ST3GAL4: variants seen among roughly 807,000 people sequenced by gnomAD.
ST3GAL4 encodes ST3 beta-galactoside alpha-2,3-sialyltransferase 4.
A neutral mutation model predicts 42.6 loss-of-function variants in ST3GAL4; 24 were observed. That is an observed-to-expected ratio of 0.56 (90% CI 0.41 to 0.79). ST3GAL4 has a LOEUF of 0.79. ST3GAL4 is among the 30% of genes least tolerant of loss of function. ST3GAL4 has a pLI of 0.00. For missense variants in ST3GAL4, 311 were observed against 430.8 expected, an observed-to-expected ratio of 0.72 and a Z score of 2.46; for synonymous variants, 135 against 163.2, an observed-to-expected ratio of 0.83 and a Z score of 1.32.
rs368150718 is a variant in ST3GAL4, at chr11:126,386,141, C to G, written c.-60-19955C>G. Among the ~76,000 whole-genome samples the G allele has an allele frequency of 6.6e-6, 1 of 152,148 alleles. No homozygotes were observed. The highest frequency in any genetic ancestry group is 2.4e-5 in the African/African-American group (1 of 41,424). On this transcript the variant is annotated intron_variant, in intron 1 of 10. Coordinates refer to ENST00000444328, the MANE Select transcript of ST3GAL4 (RefSeq NM_001254757.2). This position sits in a 1 kb window ranked among gnomAD's most constrained non-coding sequence, Gnocchi z 4.7. ...CTTCATGTAGGCCTCCGGTTTATAGCCGGCTCCTCAGAGACATGGTTCTAT... is the reference window on the plus strand; with the variant it reads ...CTTCATGTAGGCCTCCGGTTTATAGGCGGCTCCTCAGAGACATGGTTCTAT...
Position 126,413,555 on chromosome 11 carries a change from C to T in ST3GAL4, c.822C>T (p.Asp274=). Residue 274 remains aspartate (D), a synonymous_variant, in exon 10 of 11, where the codon GAC becomes GAT. Transcript: ENST00000444328. ...LAITLALHLC[D]LVHIAGFGYP... ...TCACGCTGGCCCTCCACCTCTGTGA[C>T]TTGGTGCACATTGCCGGCTTTGGCT... 6.2e-7 allele frequency: 1 copy of T among 1,614,272 alleles called. No individual in the cohort carries two copies. Among genetic ancestry groups the T allele is most frequent in the Non-Finnish European group, 8.5e-7 (1 of 1,180,058 alleles).
At chr11:126,405,177 G>T (rs897578792) in intron 1 of ST3GAL4, among the ~76,000 whole-genome samples, 3 of 152,240 alleles carry the variant, frequency 2.0e-5, no homozygotes, top group African/African-American at 7.2e-5. Context: ...GCATGGCGTG[G>T]ATGGAAGAAA....
chr11:126,366,407 C>T lies in ST3GAL4; in HGVS notation c.-61+10565C>T, dbSNP rs569691033. Reference sequence around the variant, plus strand: ...AGAGCTGGGTGTGTGTGTGCGCATGCCTGTGTCTGTGTGATCTGGTTCCCG... The same window carrying T: ...AGAGCTGGGTGTGTGTGTGCGCATGTCTGTGTCTGTGTGATCTGGTTCCCG... On this transcript the variant is annotated intron_variant, in intron 1 of 10. Transcript: ENST00000444328. This position sits in a 1 kb window ranked among gnomAD's most constrained non-coding sequence, Gnocchi z 4.2. 6.6e-6 allele frequency among the ~76,000 whole-genome samples: 1 copy of T among 152,214 alleles called. No homozygotes were observed. Among genetic ancestry groups the T allele is most frequent in the African/African-American group, 2.4e-5 (1 of 41,522 alleles).
At chr11:126,408,055 G>A (rs781749309) in intron 6 of ST3GAL4, 44 bp from the exon 7 acceptor site, 2 of 1,600,866 alleles carry the variant, frequency 1.2e-6, no homozygotes. Flanking sequence ...GCGAGCCTGG[G>A]TTAGAGTGTG....
intron 1 of ST3GAL4, among the ~76,000 whole-genome samples, chr11:126,362,553 C>T (rs1314004985): frequency 6.6e-6 from 1 of 152,180 alleles, no homozygotes; most frequent in Non-Finnish European, 1.5e-5. Flanking sequence ...AGTGCCCGGA[C>T]TCCAGCACTC....
intron 1 of ST3GAL4, among the ~76,000 whole-genome samples, chr11:126,369,007 C>T (rs955289131): frequency 6.6e-6 from 1 of 152,124 alleles, no homozygotes; most frequent in African/African-American, 2.4e-5. Flanking sequence ...CCTCACTTGC[C>T]ACCCTGGCCA....
At chr11:126,388,357 G>A (rs1472460368) in intron 1 of ST3GAL4, among the ~76,000 whole-genome samples, 2 of 152,074 alleles carry the variant, frequency 1.3e-5, no homozygotes, top group African/African-American at 2.4e-5. Context: ...TTAAGACAGA[G>A]TCTCGCTCTC....
chr11:126,374,461 A>AG (rs1395050737), intron 1 of ST3GAL4, among the ~76,000 whole-genome samples: 1 of 149,454 alleles, frequency 6.7e-6, no homozygotes, highest in East Asian at 1.9e-4. Context: ...CTCCAAAAAA[A>AG]AAAAAAAAAA....
rs546681335 is a variant in ST3GAL4 at position 126,373,663 on chromosome 11, A to T, written c.-61+17821A>T. On this transcript the variant is annotated intron_variant, in intron 1 of 10. Transcript: ENST00000444328. This position sits in a 1 kb window ranked among gnomAD's most constrained non-coding sequence, Gnocchi z 5.5. ...GGAGCCTGAGGGTGGGAACAGAGAG[A>T]CTTCTTTTGCTGTAGGTGGAAGCCT... 1.5e-3 allele frequency among the ~76,000 whole-genome samples: 223 copies of T among 151,972 alleles called. No homozygotes were observed. Among genetic ancestry groups the T allele is most frequent in the African/African-American group, 4.9e-3 (205 of 41,448 alleles).
chr11:126,407,692 C>A, intron 6 of ST3GAL4, 58 bp downstream of exon 6: 1 of 1,558,248 alleles, frequency 6.4e-7, no homozygotes, highest in Non-Finnish European at 8.8e-7. Context: ...GCCCCCTGCC[C>A]GCTCCCCCCA....
rs1953250151 is a variant in ST3GAL4 at position 126,386,995 on chromosome 11, C to G, written c.-60-19101C>G. 6.6e-6 allele frequency among the ~76,000 whole-genome samples: 1 copy of G among 152,176 alleles called. No homozygotes were observed. The highest frequency in any genetic ancestry group is 2.4e-5 in the African/African-American group (1 of 41,444). ...GCCCAGCCTCACTTGCTGCCCTGGC[C>G]AGGCCGTGATTGCCCAGGGTGCATA... On this transcript the variant is annotated intron_variant, in intron 1 of 10. Transcript: ENST00000444328. The surrounding 1 kb of genome is among the most constrained non-coding windows in gnomAD (Gnocchi z 4.7).
At chr11:126,388,767 C>CTTT (rs10683946) in intron 1 of ST3GAL4, among the ~76,000 whole-genome samples, 2,106 of 51,994 alleles carry the variant, frequency 0.041, 528 homozygotes, top group African/African-American at 0.16. Context: ...TTTTCAGTGT[C>CTTT]TTTTTTTTTT....
At position 126,383,491 on chromosome 11, in the gene ST3GAL4, C is replaced by T. The variant is rs1357769774; in HGVS notation, c.-60-22605C>T. Among the ~76,000 whole-genome samples, 2 of 152,112 alleles carry T rather than the reference C, an allele frequency of 1.3e-5. No individual in the cohort carries two copies. Among genetic ancestry groups the T allele is most frequent in the Non-Finnish European group, 2.9e-5 (2 of 68,016 alleles). On this transcript the variant is annotated intron_variant, in intron 1 of 10. Transcript: ENST00000444328. The surrounding 1 kb of genome is among the most constrained non-coding windows in gnomAD (Gnocchi z 4.5). ...CCTGAGGAATGGGGGAAAAGAGTGC[C>T]CTGGCTTGGGGGGGCCCTCAAGCCC...
chr11:126,368,613 CG>C (rs1184060130), intron 1 of ST3GAL4, among the ~76,000 whole-genome samples: 7 of 152,238 alleles, frequency 4.6e-5, no homozygotes, highest in Admixed American at 4.6e-4. Context: ...CCAGCTGTGC[CG>C]GAATTAGGAA....
At chr11:126,390,452 G>A (rs1953453372) in intron 1 of ST3GAL4, among the ~76,000 whole-genome samples, 1 of 151,932 alleles carries the variant, frequency 6.6e-6, no homozygotes, top group South Asian at 2.1e-4. Context: ...TAGATACTGT[G>A]AAGTGCTCTT....
chr11:126,382,114 G>C (rs552861559), intron 1 of ST3GAL4, among the ~76,000 whole-genome samples: 1 of 152,110 alleles, frequency 6.6e-6, no homozygotes, highest in South Asian at 2.1e-4. Flanking sequence ...TGTCCAAATA[G>C]AGCAAGAAGC....
Position 126,393,395 on chromosome 11 carries a change from A to C in ST3GAL4, c.-60-12701A>C, listed in dbSNP as rs1953596752. ...AGAAGAGGTTGGGTTTAGGCAGAGT[A>C]GAGGTGATTGTGTGGGCCGGGGGAG... On this transcript the variant is annotated intron_variant, in intron 1 of 10. Coordinates refer to ENST00000444328, the MANE Select transcript of ST3GAL4 (RefSeq NM_001254757.2). The surrounding 1 kb of genome is among the most constrained non-coding windows in gnomAD (Gnocchi z 5.9). 6.6e-6 allele frequency: 1 copy of C among 152,292 alleles called. No individual in the cohort carries two copies. The highest frequency in any genetic ancestry group is 2.4e-5 in the African/African-American group (1 of 41,452). The allele number at this position is 152,292 out of a possible 1,614,324, so 9.4% of individuals were successfully genotyped here. A position where few individuals can be genotyped will look rare whatever the true frequency, so the allele number is the denominator to read the frequency against.
chr11:126,382,200 CG>C (rs1330753238), intron 1 of ST3GAL4, among the ~76,000 whole-genome samples: 47 of 146,534 alleles, frequency 3.2e-4, no homozygotes, highest in African/African-American at 1.1e-3. Flanking sequence ...GGTGTGTTCT[CG>C]GGGGTGGGGG....
chr11:126,403,464 T>C, intron 1 of ST3GAL4: 3 of 984,988 alleles, frequency 3.0e-6, no homozygotes, highest in South Asian at 9.4e-5. Flanking sequence ...CCGCCCAGGC[T>C]GCATTTTAGA....
Sources: gnomAD v4.1 joint callset for allele counts (sites outside exome capture counted in the v4.1 genomes callset) on GRCh38, gnomAD v4.1.1 for gene constraint, Gnocchi (gnomAD v3.1) non-coding constraint, MANE v1.5 for transcripts, NCBI Gene and HGNC (gene_info 2026-07-23, HGNC 2026-07-21) for gene names.